The following OR2L13 variants were observed in gnomAD, a reference collection of about 807,000 sequenced individuals.
OR2L13 encodes the protein olfactory receptor family 2 subfamily L member 13.
Under a neutral mutation model 15.3 loss-of-function variants are expected in OR2L13, and 14 were observed. That is an observed-to-expected ratio of 0.91 (90% CI 0.60 to 1.43). The LOEUF is 1.43. Among genes scored for constraint, OR2L13 ranks in the 40% most tolerant of loss-of-function variants. The probability of loss-of-function intolerance (pLI) is 0.00; values close to 1 mark genes in which losing one functional copy is unlikely to be tolerated. For missense variants in OR2L13, 367 were observed against 387.9 expected, an observed-to-expected ratio of 0.95 and a Z score of 0.45; for synonymous variants, 152 against 142.9, an observed-to-expected ratio of 1.06 and a Z score of -0.45.
chr1:248,048,921 C>CTTTTTTT, the OR2L13 span, among the ~76,000 whole-genome samples: 2 of 141,958 alleles, frequency 1.4e-5, no homozygotes, highest in African/African-American at 2.8e-5. Flanking sequence ...TTTTCTCTCT[C>CTTTTTTT]TCTTTTTTTT....
At chr1:248,068,278 C>T in the OR2L13 span, among the ~76,000 whole-genome samples, 9 of 151,930 alleles carry the variant, frequency 5.9e-5, 2 homozygotes, top group Middle Eastern at 3.4e-3. Flanking sequence ...CTCACACGGC[C>T]GGGTACTCCT....
chr1:247,999,383 C>T, the OR2L13 span, among the ~76,000 whole-genome samples: 1 of 152,098 alleles, frequency 6.6e-6, no homozygotes, highest in Non-Finnish European at 1.5e-5. Context: ...AGCTGATGCA[C>T]TATTGTGGGC....
the OR2L13 span, among the ~76,000 whole-genome samples, chr1:248,052,592 G>C: frequency 2.0e-5 from 3 of 152,024 alleles, no homozygotes; most frequent in Non-Finnish European, 4.4e-5. Context: ...TTAGCTGGGC[G>C]TGGTGGCGGG....
the OR2L13 span, among the ~76,000 whole-genome samples, chr1:248,047,270 G>A: frequency 6.6e-6 from 1 of 151,994 alleles, no homozygotes; most frequent in Non-Finnish European, 1.5e-5. Flanking sequence ...GATTTCTTTT[G>A]CCATGAATGA....
the OR2L13 span, among the ~76,000 whole-genome samples, chr1:247,956,247 G>T: frequency 3.3e-5 from 5 of 151,968 alleles, no homozygotes; most frequent in East Asian, 1.9e-4. Flanking sequence ...AAAGATCAGA[G>T]AGTTGTAGAT....
chr1:247,954,218 C>T, the OR2L13 span, among the ~76,000 whole-genome samples: 2 of 152,114 alleles, frequency 1.3e-5, no homozygotes, highest in African/African-American at 2.4e-5. Context: ...AGATTTATGT[C>T]AACCACCACT....
chr1:248,098,114 C>G (rs931247218), intron 1 of OR2L13, among the ~76,000 whole-genome samples: 4 of 152,136 alleles, frequency 2.6e-5, no homozygotes, highest in Non-Finnish European at 5.9e-5. Context: ...TTTTTGAATT[C>G]CTTTGTTTAA....
the OR2L13 span, among the ~76,000 whole-genome samples, chr1:247,945,524 T>C: frequency 6.6e-6 from 1 of 152,158 alleles, no homozygotes; most frequent in East Asian, 1.9e-4. Context: ...GTCCACTTGG[T>C]CTAGAGCTGA....
chr1:247,940,757 C>CGT, the OR2L13 span, among the ~76,000 whole-genome samples: 429 of 147,400 alleles, frequency 2.9e-3, 1 homozygote, highest in South Asian at 4.3e-3. Context: ...TGTGTGTGTG[C>CGT]GCGCGCTAAG....
the OR2L13 span, chr1:247,948,867 T>C: frequency 6.2e-7 from 1 of 1,603,834 alleles, no homozygotes; most frequent in Non-Finnish European, 8.5e-7. Context: ...CATGGAAAAT[T>C]ACAATCAAAC....
the OR2L13 span, among the ~76,000 whole-genome samples, chr1:248,074,931 GATAC>G: frequency 6.6e-6 from 1 of 152,124 alleles, no homozygotes; most frequent in Admixed American, 6.5e-5. Context: ...GTGCAGGTTT[GATAC>G]ATAGGTATAC....
the OR2L13 span, among the ~76,000 whole-genome samples, chr1:247,964,168 C>T: frequency 2.0e-5 from 3 of 152,164 alleles, no homozygotes; most frequent in African/African-American, 4.8e-5. Flanking sequence ...TGAGTTTGGC[C>T]TCCAGTGAGT....
At chr1:248,098,091 T>C (rs1028228948) in intron 1 of OR2L13, among the ~76,000 whole-genome samples, 1 of 152,218 alleles carries the variant, frequency 6.6e-6, no homozygotes, top group African/African-American at 2.4e-5. Context: ...ATTAGAAAAG[T>C]CGTTTGGAAT....
At chr1:248,039,114 A>G in the OR2L13 span, 250 of 1,614,046 alleles carry the variant, frequency 1.5e-4, no homozygotes, top group Non-Finnish European at 1.9e-4. Flanking sequence ...CCTCACCCCA[A>G]TGCTCAACCC....
chr1:248,080,024 C>T, the OR2L13 span, among the ~76,000 whole-genome samples: 1 of 152,240 alleles, frequency 6.6e-6, no homozygotes, highest in East Asian at 1.9e-4. Context: ...CTCTCCCTCC[C>T]CACCAATATG....
the OR2L13 span, chr1:248,029,952 A>C: frequency 6.6e-6 from 1 of 152,208 alleles, no homozygotes; most frequent in African/African-American, 2.4e-5. Context: ...TTAGTGACTC[A>C]ACCTAGAATG....
At chr1:248,099,219 A>AT (rs1664794709) in intron 2 of OR2L13, 139 bp from the exon 3 acceptor site, 4 of 609,084 alleles carry the variant, frequency 6.6e-6, no homozygotes, top group Non-Finnish European at 1.2e-5. Flanking sequence ...ATAGAAATTG[A>AT]TTAAAAAAAA....
the OR2L13 span, among the ~76,000 whole-genome samples, chr1:248,075,434 T>G: frequency 6.6e-6 from 1 of 152,226 alleles, no homozygotes; most frequent in Non-Finnish European, 1.5e-5. Flanking sequence ...CCACACTGTC[T>G]TCCACAATGG....
chr1:248,042,325 A>T, the OR2L13 span: 1 of 129,200 alleles, frequency 7.7e-6, no homozygotes, highest in Non-Finnish European at 1.6e-5. Flanking sequence ...TGGACACAGG[A>T]AGGGGAACAT....
Sources: gnomAD v4.1 joint callset for allele counts (sites outside exome capture counted in the v4.1 genomes callset) on GRCh38, gnomAD v4.1.1 for gene constraint, MANE v1.5 for transcripts, NCBI Gene and HGNC (gene_info 2026-07-23, HGNC 2026-07-21) for gene names.